ZNF385D: variants seen among roughly 807,000 people sequenced by gnomAD.
ZNF385D encodes zinc finger protein 659.
ZNF385D carries 15 observed loss-of-function variants against 35.8 expected under a neutral mutation model. The ratio of observed to expected loss-of-function variants is 0.42; its 90% CI spans 0.28 to 0.64. The LOEUF is 0.64. Ranked by LOEUF, ZNF385D falls within the 30% of genes least tolerant of loss-of-function variation. The pLI is 0.23. For synonymous variants in ZNF385D, 212 were observed against 186.8 expected, an observed-to-expected ratio of 1.13 and a Z score of -1.10; for missense variants, 474 against 494.6, an observed-to-expected ratio of 0.96 and a Z score of 0.39.
chr3:22,268,965 T>C (rs1701036169), intron 2 of ZNF385D, among the ~76,000 whole-genome samples: 1 of 151,888 alleles, frequency 6.6e-6, no homozygotes, highest in Non-Finnish European at 1.5e-5. Flanking sequence ...TGGTAAACAA[T>C]AAAAACTAAA....
At chr3:22,177,692 C>G (rs904303334) in intron 2 of ZNF385D, among the ~76,000 whole-genome samples, 1 of 152,186 alleles carries the variant, frequency 6.6e-6, no homozygotes, top group Middle Eastern at 3.2e-3. Context: ...ATTAACTCGT[C>G]ATTTAACATT....
intron 3 of ZNF385D, among the ~76,000 whole-genome samples, chr3:21,942,847 T>A (rs565135): frequency 0.026 from 3,963 of 152,330 alleles, 101 homozygotes; most frequent in Middle Eastern, 0.088. Context: ...TAATATATGC[T>A]GTTCTGTAAC....
rs933544171 is a variant in ZNF385D, at chr3:21,511,021, G to A, written c.279C>T (p.Ser93=). Residue 93 remains serine, a splice_region_variant and synonymous_variant, in exon 4 of 8, where the codon AGC becomes AGT. Coordinates refer to ENST00000281523, the MANE Select transcript of ZNF385D (RefSeq NM_024697.3). ...NICQLRFNSD[S]QAAAHYKGTK... ...TGCCTTTGTAGTGGGCCGCAGCCTGGCTCTACAAAGGAGAACAAAATGAAC... is the reference window on the plus strand; with the variant it reads ...TGCCTTTGTAGTGGGCCGCAGCCTGACTCTACAAAGGAGAACAAAATGAAC... The A allele has an allele frequency of 6.2e-7, 1 of 1,613,840 alleles. No homozygotes were observed. The highest frequency in any genetic ancestry group is 8.5e-7 in the Non-Finnish European group (1 of 1,179,960).
intron 3 of ZNF385D, among the ~76,000 whole-genome samples, chr3:22,012,415 C>T (rs2125439563): frequency 6.6e-6 from 1 of 152,198 alleles, no homozygotes; most frequent in East Asian, 1.9e-4. Flanking sequence ...ACATTATTTA[C>T]ATTTGTCATT....
chr3:21,825,604 A>C (rs78091607), intron 3 of ZNF385D, among the ~76,000 whole-genome samples: 14,004 of 152,172 alleles, frequency 0.092, 834 homozygotes, highest in South Asian at 0.13. Context: ...GTCTTTCCTC[A>C]TGGTCACAAA....
chr3:22,243,636 G>GA (rs946452929), intron 2 of ZNF385D, among the ~76,000 whole-genome samples: 3 of 150,972 alleles, frequency 2.0e-5, no homozygotes, highest in African/African-American at 7.4e-5. Context: ...CAATGAAAAT[G>GA]AAAATCAAAA....
chr3:22,173,332 T>C (rs1018697545), intron 2 of ZNF385D, among the ~76,000 whole-genome samples: 1 of 152,182 alleles, frequency 6.6e-6, no homozygotes, highest in Non-Finnish European at 1.5e-5. Context: ...AATAATAATG[T>C]ATTATTAGTT....
At chr3:21,839,269 A>G (rs952445053) in intron 3 of ZNF385D, among the ~76,000 whole-genome samples, 3 of 152,004 alleles carry the variant, frequency 2.0e-5, no homozygotes, top group South Asian at 2.1e-4. Context: ...TCAACCAACC[A>G]CATTTTAAAA....
chr3:21,450,080 C>T (rs557566034), intron 4 of ZNF385D, among the ~76,000 whole-genome samples: 1 of 152,264 alleles, frequency 6.6e-6, no homozygotes, highest in South Asian at 2.1e-4. Flanking sequence ...AATGTATTGA[C>T]CTTGTCAAGT....
At chr3:21,427,359 G>A (rs140249466) in intron 5 of ZNF385D, among the ~76,000 whole-genome samples, 1 of 152,154 alleles carries the variant, frequency 6.6e-6, no homozygotes, top group Non-Finnish European at 1.5e-5. Context: ...TGCCTAAGAA[G>A]TTAGTTGGAG....
chr3:21,645,505 C>T (rs972515885), intron 2 of ZNF385D, among the ~76,000 whole-genome samples: 2 of 152,130 alleles, frequency 1.3e-5, no homozygotes, highest in African/African-American at 4.8e-5. Context: ...AATGGTAAAC[C>T]GCTGAATCCA....
chr3:21,949,912 T>A (rs532945006), intron 3 of ZNF385D, among the ~76,000 whole-genome samples: 1 of 152,188 alleles, frequency 6.6e-6, no homozygotes, highest in African/African-American at 2.4e-5. Flanking sequence ...CTGCATAGTA[T>A]TCCATGGTGT....
intron 3 of ZNF385D, among the ~76,000 whole-genome samples, chr3:21,990,861 A>G (rs112068842): frequency 0.049 from 7,430 of 152,228 alleles, 592 homozygotes; most frequent in African/African-American, 0.17. Flanking sequence ...ACAGAATGCT[A>G]CATGTGAGGA....
At chr3:21,869,391 A>G (rs576832295) in intron 3 of ZNF385D, among the ~76,000 whole-genome samples, 1 of 152,246 alleles carries the variant, frequency 6.6e-6, no homozygotes, top group African/African-American at 2.4e-5. Flanking sequence ...TTCAAATGTA[A>G]TATCTTACAA....
rs1283719321 is a variant in ZNF385D at position 21,416,899 on chromosome 3, C to A, written c.*4315G>T. 1 of 152,056 alleles carries A rather than the reference C, an allele frequency of 6.6e-6. No homozygotes were observed. Among genetic ancestry groups the A allele is most frequent in the African/African-American group, 2.4e-5 (1 of 41,396 alleles). The allele number at this position is 152,056 out of a possible 1,614,324, so 9.4% of individuals were successfully genotyped here. ...TTTAAATTGTTGTTCCCTTCCACAC[C>A]CCCACTGCCAGCTGTCTATTGCCTT... is the stretch of plus-strand genomic sequence containing the variant. On this transcript the variant is annotated 3_prime_UTR_variant, in exon 8 of 8. Transcript: ENST00000281523.
intron 3 of ZNF385D, among the ~76,000 whole-genome samples, chr3:22,081,455 T>A (rs1700746149): frequency 6.6e-6 from 1 of 152,342 alleles, no homozygotes; most frequent in Non-Finnish European, 1.5e-5. Context: ...TTTAGAACTA[T>A]GAAATAATGT....
intron 3 of ZNF385D, among the ~76,000 whole-genome samples, chr3:21,860,078 T>TA (rs1162224719): frequency 2.0e-5 from 3 of 152,068 alleles, no homozygotes; most frequent in African/African-American, 7.2e-5. Context: ...CTTTTAGGGT[T>TA]AAAAAAGTAC....
rs866164491 is a variant in ZNF385D at position 21,973,962 on chromosome 3, G to C, written c.325+194855C>G. Among the ~76,000 whole-genome samples the C allele has an allele frequency of 6.6e-5, 10 of 152,048 alleles. No homozygotes were observed. The Middle Eastern group carries it at 0.014, about 207-fold the overall frequency. On this transcript the variant is annotated intron_variant, in intron 3 of 5. Coordinates refer to the ZNF385D transcript ENST00000494108. ...AAAGGTATTCTATGTTCACAGATTG[G>C]TAGAATATATATTTTTAAAAATGTA...
Position 21,556,062 on chromosome 3 carries a change from G to GTTTTTTTT in ZNF385D, c.276+8511_276+8512insAAAAAAAA, listed in dbSNP as rs1362972751. On this transcript the variant is annotated intron_variant, in intron 3 of 7. Transcript: ENST00000281523. The stretch of plus-strand genomic sequence containing the variant: ...TTGCCCACTTTTTGACGTTTTTTTT[G>GTTTTTTTT]TTTTTGTTTTTTTTTTTTTTTTTTT... 1.4e-4 allele frequency among the ~76,000 whole-genome samples: 13 copies of GTTTTTTTT among 93,144 alleles called. 1 individual carries two copies. The East Asian group carries it at 1.5e-3, about 10-fold the overall frequency. 61.1% of individuals were successfully genotyped at this position (93,144 alleles called of 152,430 possible). A position where few individuals can be genotyped will look rare whatever the true frequency, so the allele number is the denominator to read the frequency against.
Sources: allele counts gnomAD v4.1 joint callset (sites outside exome capture counted in the v4.1 genomes callset), GRCh38; gene constraint gnomAD v4.1.1; transcripts MANE v1.5; gene names NCBI Gene and HGNC (gene_info 2026-07-23, HGNC 2026-07-21).